Variants in ZBBX observed in about 807,000 individuals in gnomAD.
ZBBX encodes zinc finger B-box domain-containing protein 1.
A neutral mutation model predicts 108.5 loss-of-function variants in ZBBX; 101 were observed. The ratio of observed to expected loss-of-function variants is 0.93; its 90% CI spans 0.79 to 1.10. The LOEUF is 1.10. ZBBX is among the 50% of genes least tolerant of loss of function. The pLI is 0.00. For missense variants in ZBBX, 1,009 were observed against 941.4 expected (o/e 1.07, Z -0.94); for synonymous variants, 356 against 323.4 (o/e 1.10, Z -1.08).
intron 5 of ZBBX, among the ~76,000 whole-genome samples, chr3:167,366,611 A>G (rs1745358988): frequency 6.6e-6 from 1 of 151,924 alleles, no homozygotes; most frequent in Admixed American, 6.6e-5. Flanking sequence ...TTAAGATTGG[A>G]GCACTAGACT....
chr3:167,359,746 A>G (rs773020413), intron 8 of ZBBX, 124 bp downstream of exon 8: 17 of 412,656 alleles, frequency 4.1e-5, no homozygotes, highest in Non-Finnish European at 5.9e-5. Flanking sequence ...TAATGAAGAA[A>G]AAGTATATGG....
chr3:167,401,409 ATAGAG>A (rs1748420243), intron 1 of ZBBX: 1 of 152,166 alleles, frequency 6.6e-6, no homozygotes, highest in Non-Finnish European at 1.5e-5. Flanking sequence ...GGGCGAGTCC[ATAGAG>A]TAAAGTGAAA....
the ZBBX span, among the ~76,000 whole-genome samples, chr3:167,216,416 G>T: frequency 5.3e-5 from 8 of 151,520 alleles, no homozygotes; most frequent in Non-Finnish European, 1.0e-4. Context: ...CAGCTAGCCA[G>T]GGAGGTGAGA....
chr3:167,363,621 C>T (rs1744879237), intron 6 of ZBBX, among the ~76,000 whole-genome samples: 1 of 151,770 alleles, frequency 6.6e-6, no homozygotes, highest in Admixed American at 6.7e-5. Flanking sequence ...CATTTTGACT[C>T]TTTCCTCTAC....
Position 167,240,653 on chromosome 3 carries a change from T to C in ZBBX, c.*140A>G. The C allele has an allele frequency of 4.2e-6, 4 of 955,710 alleles. No homozygotes were observed. The South Asian group carries it at 5.2e-5, about 12-fold the overall frequency. The allele number at this position is 955,710 out of a possible 1,614,324, so 59.2% of individuals were successfully genotyped here. ...GCCCTTGAACTTATAATTTTACTTT[T>C]ATTAGTTTGTAGCCTTGAAACATCA... On this transcript the variant is annotated 3_prime_UTR_variant, in exon 22 of 22. Transcript: ENST00000675490.
intron 1 of ZBBX, among the ~76,000 whole-genome samples, chr3:167,401,841 T>C (rs552888875): frequency 6.6e-6 from 1 of 152,202 alleles, no homozygotes; most frequent in African/African-American, 2.4e-5. Context: ...CTAGACGGAG[T>C]TGCTCTGGTT....
intron 17 of ZBBX, among the ~76,000 whole-genome samples, chr3:167,304,737 TCA>T (rs1733331617): frequency 1.3e-5 from 2 of 152,116 alleles, no homozygotes; most frequent in African/African-American, 4.8e-5. Flanking sequence ...CTTGCAGAGA[TCA>T]GTTTCCTTTC....
the ZBBX span, among the ~76,000 whole-genome samples, chr3:167,204,385 T>C: frequency 3.0e-5 from 4 of 134,778 alleles, no homozygotes; most frequent in Admixed American, 2.3e-4. Flanking sequence ...ATGCTATCCC[T>C]CCCCCCTCCC....
chr3:167,295,768 T>A (rs1355618580), intron 18 of ZBBX, among the ~76,000 whole-genome samples: 3 of 95,080 alleles, frequency 3.2e-5, no homozygotes, highest in African/African-American at 4.1e-5. Flanking sequence ...TAAAAAAAAC[T>A]AGTAAGGAGA....
At chr3:167,320,203 T>C (rs2108312682) in intron 12 of ZBBX, among the ~76,000 whole-genome samples, 1 of 142,232 alleles carries the variant, frequency 7.0e-6, no homozygotes, top group South Asian at 2.2e-4. Context: ...AAATGCATCT[T>C]GAGTTCCAGA....
intron 20 of ZBBX, among the ~76,000 whole-genome samples, chr3:167,251,955 C>CACACACACACACACAT: frequency 6.6e-6 from 1 of 151,556 alleles, no homozygotes; most frequent in East Asian, 1.9e-4. Flanking sequence ...CACACACACA[C>CACACACACACACACAT]ACACATCTGT....
chr3:167,338,980 C>A (rs192761110), intron 9 of ZBBX, among the ~76,000 whole-genome samples: 7 of 151,866 alleles, frequency 4.6e-5, no homozygotes, highest in African/African-American at 1.7e-4. Flanking sequence ...CTTTTTTTGG[C>A]CTGGCTTTTG....
In ZBBX at chr3:167,350,594, T is replaced by C. The variant is rs533040584; in HGVS notation, c.433-79A>G. The C allele has an allele frequency of 2.8e-4, 284 of 1,028,510 alleles. 4 individuals are homozygous for C. In the South Asian group the frequency reaches 5.5e-3, roughly 20 times the overall value. The allele number at this position is 1,028,510 out of a possible 1,614,324, so 63.7% of individuals were successfully genotyped here. ...TAGAAAGTGTTTGCATAAAGATGTC[T>C]TGTTTTTTAATATTTATTTCTCTAA... On this transcript the variant is annotated intron_variant, in intron 8 of 21. Coordinates refer to ENST00000675490, the MANE Select transcript of ZBBX (RefSeq NM_001199201.2).
intron 11 of ZBBX, among the ~76,000 whole-genome samples, chr3:167,324,248 A>G (rs892207696): frequency 1.3e-5 from 2 of 152,010 alleles, no homozygotes; most frequent in African/African-American, 4.8e-5. Flanking sequence ...GAGCTCAGGT[A>G]ATTGTTGACC....
At position 167,359,946 on chromosome 3, in the gene ZBBX, G is replaced by C; in HGVS notation, c.356C>G (p.Ala119Gly). ...PVKPTVNYKM[A>G]NSSECEKPKI... ...GGGTTTTTCACATTCTGAAGAATTT[G>C]CCATTTTATAATTAACTGTTGGTTT... The change falls in exon 8 of 22, where the codon GCA becomes GGA. Residue 119 changes from alanine (A) to glycine (G), a missense_variant. Transcript: ENST00000675490. 6.3e-7 allele frequency: 1 copy of C among 1,591,068 alleles called. No individual in the cohort carries two copies. Among genetic ancestry groups the C allele is most frequent in the South Asian group, 1.1e-5 (1 of 87,568 alleles).
intron 5 of ZBBX, chr3:167,366,784 A>G (rs2108571578): frequency 2.2e-6 from 1 of 454,698 alleles, no homozygotes. Flanking sequence ...ACTCACTATC[A>G]GGGCTGATTC....
In ZBBX at chr3:167,240,264, G is replaced by A. The variant is rs1331497017; in HGVS notation, c.*529C>T. 2.0e-5 allele frequency: 3 copies of A among 152,822 alleles called. No homozygotes were observed. The highest frequency in any genetic ancestry group is 2.0e-4 in the Admixed American group (3 of 15,324). 9.5% of individuals were successfully genotyped at this position (152,822 alleles called of 1,614,324 possible). ...GTCTTTACTGTGTTTTGCTAGAGCA[G>A]AGTATGAAAAGTTTCACACCCATTT... On this transcript the variant is annotated 3_prime_UTR_variant, in exon 22 of 22. Transcript: ENST00000675490.
intron 8 of ZBBX, among the ~76,000 whole-genome samples, chr3:167,350,901 G>A (rs1742533698): frequency 1.3e-5 from 2 of 151,952 alleles, no homozygotes; most frequent in African/African-American, 4.8e-5. Context: ...TTATCTCTGG[G>A]TGAAAACTCC....
At chr3:167,367,620 A>G (rs2108575742) in intron 5 of ZBBX, among the ~76,000 whole-genome samples, 1 of 151,536 alleles carries the variant, frequency 6.6e-6, no homozygotes, top group Middle Eastern at 3.4e-3. Flanking sequence ...CAATATATGC[A>G]ACAGATATAC....
Sources: gnomAD v4.1 joint callset for allele counts (sites outside exome capture counted in the v4.1 genomes callset) on GRCh38, gnomAD v4.1.1 for gene constraint, MANE v1.5 for transcripts, NCBI Gene and HGNC (gene_info 2026-07-23, HGNC 2026-07-21) for gene names.